Variants in SUGCT observed in about 807,000 individuals in gnomAD.
SUGCT encodes succinyl-CoA:glutarate CoA-transferase.
Under a neutral mutation model 55.0 loss-of-function variants are expected in SUGCT, and 41 were observed. That is an observed-to-expected ratio of 0.74 (90% confidence interval 0.58 to 0.97). The LOEUF (loss-of-function observed/expected upper bound fraction) is 0.97, where lower values mean the gene tolerates loss of function less well. Among genes scored for constraint, SUGCT ranks in the 50% least tolerant of loss-of-function variants. The pLI is 0.00. For synonymous variants in SUGCT, 187 were observed against 200.4 expected (o/e 0.93, Z 0.56); for missense variants, 568 against 547.8 (o/e 1.04, Z -0.37).
chr7:40,642,426 G>A (rs114051148), intron 12 of SUGCT, among the ~76,000 whole-genome samples: 52 of 152,220 alleles, frequency 3.4e-4, no homozygotes, highest in African/African-American at 1.2e-3. Flanking sequence ...GGGTGTGTGG[G>A]CATGAACTGA....
chr7:40,717,954 T>C (rs1260666835), intron 12 of SUGCT, among the ~76,000 whole-genome samples: 1 of 152,194 alleles, frequency 6.6e-6, no homozygotes, highest in Non-Finnish European at 1.5e-5. Flanking sequence ...ATTTTAGTTT[T>C]TAAAAATTAT....
chr7:41,028,113 G>A, the SUGCT span, among the ~76,000 whole-genome samples: 1 of 152,210 alleles, frequency 6.6e-6, no homozygotes, highest in South Asian at 2.1e-4. Flanking sequence ...ACTCAGGCAG[G>A]CAGGTATTGA....
At chr7:40,816,071 G>A (rs781160391) in intron 13 of SUGCT, among the ~76,000 whole-genome samples, 20 of 152,364 alleles carry the variant, frequency 1.3e-4, no homozygotes, top group Non-Finnish European at 2.8e-4. Context: ...CACTGCCCAA[G>A]AGAAACTACA....
intron 6 of SUGCT, among the ~76,000 whole-genome samples, chr7:40,236,793 T>C (rs1190992332): frequency 6.6e-6 from 1 of 152,098 alleles, no homozygotes; most frequent in East Asian, 1.9e-4. Flanking sequence ...TCGACTCTAA[T>C]TGATTATTGC....
chr7:40,690,003 T>G (rs1348633580), intron 12 of SUGCT, among the ~76,000 whole-genome samples: 2 of 152,228 alleles, frequency 1.3e-5, no homozygotes, highest in Non-Finnish European at 2.9e-5. Context: ...ATTTGGCTTT[T>G]GCTTTCTGAG....
At chr7:40,958,370 T>C in the SUGCT span, among the ~76,000 whole-genome samples, 1 of 152,016 alleles carries the variant, frequency 6.6e-6, no homozygotes. Flanking sequence ...CTGTTCATTC[T>C]TTTTTCTCTA....
chr7:40,883,073 C>T, the SUGCT span, among the ~76,000 whole-genome samples: 1 of 152,214 alleles, frequency 6.6e-6, no homozygotes, highest in Non-Finnish European at 1.5e-5. Context: ...TAACTGAAAG[C>T]ATGAGATTAA....
chr7:40,483,370 A>T (rs1015846121), intron 11 of SUGCT, among the ~76,000 whole-genome samples: 1 of 152,158 alleles, frequency 6.6e-6, no homozygotes, highest in Non-Finnish European at 1.5e-5. Context: ...GCCTCCCCAC[A>T]AATGTTAGTG....
intron 12 of SUGCT, among the ~76,000 whole-genome samples, chr7:40,521,144 G>A (rs533798058): frequency 1.3e-5 from 2 of 152,238 alleles, no homozygotes; most frequent in African/African-American, 4.8e-5. Flanking sequence ...TGAATCCCCG[G>A]TGTTGTAAAT....
At chr7:40,977,600 C>A in the SUGCT span, among the ~76,000 whole-genome samples, 1 of 152,118 alleles carries the variant, frequency 6.6e-6, no homozygotes, top group African/African-American at 2.4e-5. Context: ...GGGGTATGAA[C>A]AAGCTTACAA....
intron 12 of SUGCT, among the ~76,000 whole-genome samples, chr7:40,665,507 C>G (rs1801579095): frequency 6.7e-6 from 1 of 149,802 alleles, no homozygotes. Flanking sequence ...AAGAGAAAAA[C>G]CAGGAAAATC....
chr7:40,251,758 C>G (rs1454448862), intron 7 of SUGCT, among the ~76,000 whole-genome samples: 6 of 151,968 alleles, frequency 3.9e-5, no homozygotes, highest in African/African-American at 7.2e-5. Context: ...AATTTAGATT[C>G]AGTCAACTGG....
intron 12 of SUGCT, among the ~76,000 whole-genome samples, chr7:40,543,278 AT>A (rs1335754116): frequency 6.6e-6 from 1 of 152,232 alleles, no homozygotes; most frequent in African/African-American, 2.4e-5. Flanking sequence ...TTAAATTAAT[AT>A]TCTTTATTTA....
intron 13 of SUGCT, among the ~76,000 whole-genome samples, chr7:40,758,378 G>A (rs1036705496): frequency 1.3e-5 from 2 of 152,024 alleles, no homozygotes; most frequent in Non-Finnish European, 2.9e-5. Context: ...GATGGAGCAA[G>A]CCACCTTTTT....
At chr7:40,149,651 C>T (rs1454150503) in intron 1 of SUGCT, among the ~76,000 whole-genome samples, 2 of 152,188 alleles carry the variant, frequency 1.3e-5, no homozygotes, top group African/African-American at 4.8e-5. Flanking sequence ...GGCATGGTAG[C>T]TCACGCCTGT....
chr7:40,888,148 T>TAAAGTGGC, the SUGCT span, among the ~76,000 whole-genome samples: 1 of 152,164 alleles, frequency 6.6e-6, no homozygotes, highest in East Asian at 1.9e-4. Flanking sequence ...ATAAAGTGGC[T>TAAAGTGGC]ACACAGACCG....
chr7:40,959,636 C>T, the SUGCT span, among the ~76,000 whole-genome samples: 6 of 151,954 alleles, frequency 3.9e-5, no homozygotes, highest in East Asian at 2.0e-4. Context: ...CAAGACCACT[C>T]GGCTCCCTGG....
intron 7 of SUGCT, among the ~76,000 whole-genome samples, chr7:40,246,479 G>A (rs1485530267): frequency 6.6e-6 from 1 of 151,832 alleles, no homozygotes; most frequent in East Asian, 1.9e-4. Context: ...TGAACTCCTG[G>A]GCTCAAGTTA....
chr7:40,877,956 C>T, the SUGCT span, among the ~76,000 whole-genome samples: 4 of 152,224 alleles, frequency 2.6e-5, no homozygotes, highest in African/African-American at 7.2e-5. Context: ...TTCTACTCTT[C>T]TCTTATCCGC....
Sources: allele counts gnomAD v4.1 joint callset (sites outside exome capture counted in the v4.1 genomes callset), GRCh38; gene constraint gnomAD v4.1.1; transcripts MANE v1.5; gene names NCBI Gene and HGNC (gene_info 2026-07-23, HGNC 2026-07-21).